Variants in FHIT observed in about 807,000 individuals in gnomAD.
FHIT encodes fragile histidine triad diadenosine triphosphatase.
A neutral mutation model predicts 17.9 loss-of-function variants in FHIT; 19 were observed. That is an observed-to-expected ratio of 1.06 (90% CI 0.74 to 1.56). The LOEUF (loss-of-function observed/expected upper bound fraction) is 1.56, where lower values mean the gene tolerates loss of function less well. Among genes scored for constraint, FHIT ranks in the 40% most tolerant of loss-of-function variants. The pLI is 0.00. For synonymous variants in FHIT, 81 were observed against 69.7 expected (o/e 1.16, Z -0.81); for missense variants, 248 against 189.2 (o/e 1.31, Z -1.82).
At chr3:61,110,230 GC>G (rs2036117595) in intron 2 of FHIT, among the ~76,000 whole-genome samples, 1 of 152,078 alleles carries the variant, frequency 6.6e-6, no homozygotes, top group Non-Finnish European at 1.5e-5. Flanking sequence ...CTTCCTTCCA[GC>G]CCACAGGCCT....
At chr3:60,861,784 G>A (rs183809682) in intron 3 of FHIT, among the ~76,000 whole-genome samples, 66 of 152,010 alleles carry the variant, frequency 4.3e-4, no homozygotes, top group African/African-American at 1.5e-3. Context: ...AACAAAGTAA[G>A]AACCAAAATA....
intron 4 of FHIT, among the ~76,000 whole-genome samples, chr3:60,817,624 C>T (rs1701786250): frequency 6.6e-6 from 1 of 151,856 alleles, no homozygotes; most frequent in Admixed American, 6.6e-5. Context: ...AGCATTGTTC[C>T]ACCAAAGATA....
chr3:60,141,520 T>C (rs895351412), intron 5 of FHIT, among the ~76,000 whole-genome samples: 10 of 152,132 alleles, frequency 6.6e-5, no homozygotes, highest in Non-Finnish European at 1.5e-5. Flanking sequence ...GAAGTCACTC[T>C]CATCTAAAAT....
intron 3 of FHIT, among the ~76,000 whole-genome samples, chr3:60,889,012 C>T (rs953541163): frequency 2.0e-5 from 3 of 152,288 alleles, no homozygotes; most frequent in South Asian, 2.1e-4. Context: ...TTAACTTCCT[C>T]GTAAAGTAAC....
At chr3:60,851,995 G>T (rs1553748544) in intron 3 of FHIT, among the ~76,000 whole-genome samples, 1 of 152,100 alleles carries the variant, frequency 6.6e-6, no homozygotes, top group East Asian at 1.9e-4. Flanking sequence ...CAGATATTTG[G>T]TCGAACTTTA....
intron 5 of FHIT, among the ~76,000 whole-genome samples, chr3:60,492,508 A>AT (rs34685557): frequency 0.017 from 2,400 of 141,564 alleles, 27 homozygotes; most frequent in East Asian, 0.054. Context: ...GAAAGATGGC[A>AT]TTTTTTTTTT....
chr3:61,184,528 T>A (rs761226640), intron 2 of FHIT, among the ~76,000 whole-genome samples: 3 of 152,128 alleles, frequency 2.0e-5, no homozygotes, highest in Non-Finnish European at 4.4e-5. Flanking sequence ...GAACAGCTTC[T>A]GCGGATGTCT....
chr3:59,927,975 T>A (rs867084564), intron 7 of FHIT, among the ~76,000 whole-genome samples: 20 of 152,226 alleles, frequency 1.3e-4, no homozygotes, highest in Admixed American at 8.5e-4. Flanking sequence ...TGTATCGATA[T>A]CCTTTTTCCT....
intron 1 of FHIT, among the ~76,000 whole-genome samples, chr3:61,218,751 A>G (rs1050793328): frequency 2.6e-5 from 4 of 152,090 alleles, no homozygotes; most frequent in African/African-American, 7.2e-5. Flanking sequence ...AACCCATGCT[A>G]TTGTCTTAAT....
intron 2 of FHIT, among the ~76,000 whole-genome samples, chr3:61,074,467 T>C (rs2034908244): frequency 6.6e-6 from 1 of 152,164 alleles, no homozygotes; most frequent in Admixed American, 6.5e-5. Context: ...ACAGTAATGG[T>C]TGACTTTGTG....
At chr3:60,045,772 A>C (rs1701628392) in intron 5 of FHIT, among the ~76,000 whole-genome samples, 2 of 152,170 alleles carry the variant, frequency 1.3e-5, no homozygotes, top group African/African-American at 2.4e-5. Flanking sequence ...GATGAGAAAC[A>C]GGGAGATCAT....
intron 4 of FHIT, among the ~76,000 whole-genome samples, chr3:60,767,183 T>TA (rs1431798580): frequency 2.0e-5 from 3 of 152,158 alleles, no homozygotes; most frequent in Non-Finnish European, 4.4e-5. Flanking sequence ...GAAATAATGA[T>TA]AGCATTTTAA....
At chr3:60,130,919 A>G (rs1699539075) in intron 5 of FHIT, among the ~76,000 whole-genome samples, 1 of 141,800 alleles carries the variant, frequency 7.1e-6, no homozygotes, top group African/African-American at 2.5e-5. Context: ...ATATATGTAT[A>G]CATACATATA....
At chr3:59,966,144 T>TTCTAA (rs1451229588) in intron 7 of FHIT, among the ~76,000 whole-genome samples, 1 of 152,212 alleles carries the variant, frequency 6.6e-6, no homozygotes, top group Non-Finnish European at 1.5e-5. Context: ...AGCAGAGGTA[T>TTCTAA]TCTAACAAAG....
At chr3:61,083,240 CCA>C (rs2035199397) in intron 2 of FHIT, among the ~76,000 whole-genome samples, 1 of 152,166 alleles carries the variant, frequency 6.6e-6, no homozygotes, top group Non-Finnish European at 1.5e-5. Flanking sequence ...TTTAGTATAT[CCA>C]CAGAGTTGTG....
intron 5 of FHIT, among the ~76,000 whole-genome samples, chr3:60,446,481 G>A (rs1460388285): frequency 1.3e-5 from 2 of 152,142 alleles, no homozygotes; most frequent in Admixed American, 6.6e-5. Context: ...CTCCATAGGT[G>A]TGGTTTAAGG....
intron 2 of FHIT, among the ~76,000 whole-genome samples, chr3:61,063,150 G>A (rs2034485348): frequency 1.3e-5 from 2 of 151,238 alleles, no homozygotes; most frequent in South Asian, 4.2e-4. Context: ...CAGCTACTCG[G>A]GAGGCTGAGG....
At chr3:60,463,820 A>C (rs575103127) in intron 5 of FHIT, among the ~76,000 whole-genome samples, 4 of 152,324 alleles carry the variant, frequency 2.6e-5, no homozygotes, top group African/African-American at 7.2e-5. Context: ...CACAATATGT[A>C]CCTTACCCTG....
At chr3:60,183,640 T>C (rs573777079) in intron 5 of FHIT, among the ~76,000 whole-genome samples, 48 of 152,148 alleles carry the variant, frequency 3.2e-4, no homozygotes, top group African/African-American at 5.3e-4. Flanking sequence ...TTTTCAAAAC[T>C]TGACAATGCC....
Sources: allele counts gnomAD v4.1 joint callset (sites outside exome capture counted in the v4.1 genomes callset), GRCh38; gene constraint gnomAD v4.1.1; transcripts MANE v1.5; gene names NCBI Gene and HGNC (gene_info 2026-07-23, HGNC 2026-07-21).